Variants in IQGAP2 observed in about 807,000 individuals in gnomAD.
The protein encoded by IQGAP2 is ras GTPase-activating-like protein IQGAP2.
Under a neutral mutation model 201.3 loss-of-function variants are expected in IQGAP2, and 173 were observed. The ratio of observed to expected loss-of-function variants is 0.86; its 90% CI spans 0.76 to 0.98. The LOEUF (loss-of-function observed/expected upper bound fraction) is 0.98. Ranked by LOEUF, IQGAP2 falls within the 50% of genes least tolerant of loss-of-function variation. IQGAP2 has a pLI of 0.00. For synonymous variants in IQGAP2, 675 were observed against 673.9 expected (o/e 1.00, Z -0.03); for missense variants, 1,687 against 1,864.8 (o/e 0.90, Z 1.76).
chr5:76,623,124 A>G, intron 13 of IQGAP2: 3 of 1,590,400 alleles, frequency 1.9e-6, no homozygotes, highest in Non-Finnish European at 1.7e-6. Flanking sequence ...AATTTGTAAC[A>G]GAAACCCACA....
intron 2 of IQGAP2, among the ~76,000 whole-genome samples, chr5:76,537,026 TAA>T (rs2150214531): frequency 6.6e-6 from 1 of 152,336 alleles, no homozygotes; most frequent in Admixed American, 6.5e-5. Flanking sequence ...TCATTTGTAA[TAA>T]GTTTACTTGG....
intron 1 of IQGAP2, among the ~76,000 whole-genome samples, chr5:76,405,018 A>T (rs1750720613): frequency 6.6e-6 from 1 of 152,252 alleles, no homozygotes; most frequent in Non-Finnish European, 1.5e-5. Flanking sequence ...TAATGTGACC[A>T]GCTCTCAGAA....
At chr5:76,551,283 C>T (rs1743486944) in intron 2 of IQGAP2, among the ~76,000 whole-genome samples, 2 of 151,572 alleles carry the variant, frequency 1.3e-5, no homozygotes, top group Admixed American at 1.3e-4. Context: ...GCGCTCCCCA[C>T]ATCTCAGATG....
chr5:76,700,748 G>T (rs1449594901), intron 33 of IQGAP2, among the ~76,000 whole-genome samples: 1 of 152,182 alleles, frequency 6.6e-6, no homozygotes, highest in Non-Finnish European at 1.5e-5. Flanking sequence ...CACAGTTCAT[G>T]TTATTGCACC....
chr5:76,656,497 T>A (rs1344637236), intron 20 of IQGAP2, among the ~76,000 whole-genome samples: 2 of 152,124 alleles, frequency 1.3e-5, no homozygotes, highest in Admixed American at 1.3e-4. Context: ...GGTTTTTTTT[T>A]TAAAGAAGGC....
At chr5:76,491,939 T>C (rs907999740) in intron 2 of IQGAP2, among the ~76,000 whole-genome samples, 13 of 152,214 alleles carry the variant, frequency 8.5e-5, no homozygotes, top group African/African-American at 2.4e-4. Flanking sequence ...TGCCCAGAGT[T>C]ACTGATTTGT....
intron 2 of IQGAP2, among the ~76,000 whole-genome samples, chr5:76,486,342 C>G (rs1756135425): frequency 6.6e-6 from 1 of 152,150 alleles, no homozygotes; most frequent in Non-Finnish European, 1.5e-5. Flanking sequence ...GTTTGGGTCT[C>G]CAAAACATGG....
intron 17 of IQGAP2, 55 bp downstream of exon 17, chr5:76,641,158 TTTTA>T: frequency 1.5e-6 from 2 of 1,354,696 alleles, no homozygotes; most frequent in South Asian, 1.4e-5. Context: ...CCTGAAAATG[TTTTA>T]TTTGATAATA....
intron 15 of IQGAP2, among the ~76,000 whole-genome samples, chr5:76,634,378 C>T (rs1269184017): frequency 1.3e-5 from 2 of 152,080 alleles, no homozygotes; most frequent in Non-Finnish European, 2.9e-5. Context: ...TCTGCCTCAG[C>T]CTCCCGAGTA....
chr5:76,620,980 A>G (rs1033852214), intron 13 of IQGAP2, among the ~76,000 whole-genome samples: 10 of 152,216 alleles, frequency 6.6e-5, no homozygotes, highest in African/African-American at 2.2e-4. Context: ...ACCCTTTCAC[A>G]TGTATAGAAA....
At chr5:76,678,003 G>A (rs148552250) in intron 28 of IQGAP2, among the ~76,000 whole-genome samples, 30 of 152,274 alleles carry the variant, frequency 2.0e-4, no homozygotes, top group Admixed American at 1.5e-3. Flanking sequence ...AGCCAGGACA[G>A]GCTATGGTGT....
At chr5:76,427,819 A>G (rs1331030568) in intron 1 of IQGAP2, among the ~76,000 whole-genome samples, 1 of 152,228 alleles carries the variant, frequency 6.6e-6, no homozygotes, top group African/African-American at 2.4e-5. Flanking sequence ...ACATATGTCC[A>G]GGAGGATGAT....
In IQGAP2 at chr5:76,640,929, C is replaced by A; in HGVS notation, c.1924-4C>A. The A allele has an allele frequency of 1.3e-6, 2 of 1,572,776 alleles. No homozygotes were observed. Among genetic ancestry groups the A allele is most frequent in the African/African-American group, 2.7e-5 (2 of 74,234 alleles). ...GTGTAACCATAAGAAATATCTCTTG[C>A]CAGGACATTATTGAGGAAGTCACAG... On this transcript the variant is annotated splice_polypyrimidine_tract_variant and splice_region_variant and intron_variant, in intron 16 of 35. Coordinates refer to ENST00000274364, the MANE Select transcript of IQGAP2 (RefSeq NM_006633.5).
In IQGAP2 at chr5:76,562,569, T is replaced by C; in HGVS notation, c.303+17T>C. Reference sequence around the variant, plus strand: ...CGTTATAAGGTAACCAAGATCTAATTGGTTTTGGCTTCCAGCTAAAAGTGA... The same window carrying C: ...CGTTATAAGGTAACCAAGATCTAATCGGTTTTGGCTTCCAGCTAAAAGTGA... On this transcript the variant is annotated intron_variant, in intron 3 of 35. Coordinates refer to ENST00000274364, the MANE Select transcript of IQGAP2 (RefSeq NM_006633.5). The C allele has an allele frequency of 6.2e-7, 1 of 1,603,270 alleles. No homozygotes were observed. The highest frequency in any genetic ancestry group is 8.5e-7 in the Non-Finnish European group (1 of 1,173,552).
At chr5:76,520,363 T>C (rs1758597043) in intron 2 of IQGAP2, among the ~76,000 whole-genome samples, 1 of 152,206 alleles carries the variant, frequency 6.6e-6, no homozygotes, top group Non-Finnish European at 1.5e-5. Flanking sequence ...GGTTTCTCCA[T>C]GTTGGTCAGG....
chr5:76,432,495 T>C (rs996716817), intron 1 of IQGAP2, among the ~76,000 whole-genome samples: 6 of 152,162 alleles, frequency 3.9e-5, no homozygotes, highest in African/African-American at 1.4e-4. Context: ...CTCAAGCTAA[T>C]AGAACAGGAT....
At chr5:76,446,796 T>G (rs2150110269) in intron 1 of IQGAP2, among the ~76,000 whole-genome samples, 1 of 152,338 alleles carries the variant, frequency 6.6e-6, no homozygotes. Context: ...TGTAAAACTT[T>G]TATGAACAGA....
At chr5:76,565,859 G>A (rs928314456) in intron 3 of IQGAP2, among the ~76,000 whole-genome samples, 5 of 152,164 alleles carry the variant, frequency 3.3e-5, no homozygotes, top group Non-Finnish European at 7.3e-5. Flanking sequence ...TAATGGGTGT[G>A]TGTAAAAATT....
intron 28 of IQGAP2, among the ~76,000 whole-genome samples, chr5:76,679,653 A>C (rs1326350282): frequency 6.6e-6 from 1 of 152,240 alleles, no homozygotes; most frequent in Non-Finnish European, 1.5e-5. Flanking sequence ...CAGCCAAATC[A>C]GTTGCCCTGG....
Sources: allele counts gnomAD v4.1 joint callset (sites outside exome capture counted in the v4.1 genomes callset), GRCh38; gene constraint gnomAD v4.1.1; transcripts MANE v1.5; gene names NCBI Gene and HGNC (gene_info 2026-07-23, HGNC 2026-07-21).